ELL2: variants seen among roughly 807,000 people sequenced by gnomAD.
ELL2 encodes the protein elongation factor for RNA polymerase II 2, also known as RNA polymerase II elongation factor ELL2.
A neutral mutation model predicts 72.8 loss-of-function variants in ELL2; 21 were observed. The ratio of observed to expected loss-of-function variants is 0.29; its 90% CI spans 0.20 to 0.42. The LOEUF (loss-of-function observed/expected upper bound fraction) is 0.42. ELL2 is among the 10% of genes least tolerant of loss of function. The pLI is 1.00. For synonymous variants in ELL2, 266 were observed against 283.2 expected (o/e 0.94, Z 0.61); for missense variants, 568 against 772.8 (o/e 0.73, Z 3.14).
rs989681548 is a variant in ELL2 at position 95,886,009 on chromosome 5, G to A, written c.*2862C>T. The A allele has an allele frequency of 6.6e-6, 1 of 152,156 alleles. No individual in the cohort carries two copies. Among genetic ancestry groups the A allele is most frequent in the African/African-American group, 2.4e-5 (1 of 41,436 alleles). The allele number at this position is 152,156 out of a possible 1,614,324, so 9.4% of individuals were successfully genotyped here. A position where few individuals can be genotyped will look rare whatever the true frequency, so the allele number is the denominator to read the frequency against. ...TCCAACCTGGAGTTGATTTAAGGAT[G>A]TTGGTAAAAATCTTCAAAAGTCCTT... On this transcript the variant is annotated 3_prime_UTR_variant, in exon 12 of 12. Coordinates refer to ENST00000237853, the MANE Select transcript of ELL2 (RefSeq NM_012081.6).
chr5:95,898,254 G>T lies in ELL2; in HGVS notation c.1511C>A (p.Pro504Gln). The change falls in exon 8 of 12, where the codon CCA (proline) becomes CAA (glutamine). Residue 504 changes from proline (P) to glutamine (Q), a missense_variant. Pro to Gln is a moderately conservative substitution (Grantham distance 76, BLOSUM62 -1). Coordinates refer to ENST00000237853, the MANE Select transcript of ELL2 (RefSeq NM_012081.6). Reference sequence around the variant, plus strand: ...AGGTAAAATACCTCCACTGGAATTTGGACTGGAGTTATTTAGCTTGGCAAT... The same window carrying T: ...AGGTAAAATACCTCCACTGGAATTTTGACTGGAGTTATTTAGCTTGGCAAT... ...EEIAKLNNSS[P>Q]NSSGGVKEDC... The T allele has an allele frequency of 6.2e-7, 1 of 1,603,810 alleles. No homozygotes were observed. Among genetic ancestry groups the T allele is most frequent in the Non-Finnish European group, 8.5e-7 (1 of 1,176,918 alleles).
At position 95,927,400 on chromosome 5, in the gene ELL2, T is replaced by TACACAC. The variant is rs147145672; in HGVS notation, c.196-7861_196-7856dup. Among the ~76,000 whole-genome samples the TACACAC allele has an allele frequency of 8.1e-4, 24 of 29,462 alleles. 7 individuals are homozygous for TACACAC. The highest frequency in any genetic ancestry group is 1.7e-4 in the Non-Finnish European group (3 of 17,972). The allele number at this position is 29,462 out of a possible 152,430, so 19.3% of individuals were successfully genotyped here. On this transcript the variant is annotated intron_variant, in intron 2 of 11. Coordinates refer to ENST00000237853, the MANE Select transcript of ELL2 (RefSeq NM_012081.6). ...ACACACACGTGTGTATATATAGACATACACACACGTGTGTATATAGACATA... is the reference window on the plus strand; with the variant it reads ...ACACACACGTGTGTATATATAGACATACACACACACACACGTGTGTATATAGACATA...
Position 95,956,393 on chromosome 5 carries a change from C to A in ELL2, c.147+5182G>T, listed in dbSNP as rs574095320. On this transcript the variant is annotated intron_variant, in intron 1 of 11. Transcript: ENST00000237853. ...CTGAAAATGGGTCTAAGTTAAAAGT[C>A]AGTAGGATTAATTTATTTAAATTAA... is the stretch of plus-strand genomic sequence containing the variant. 2.6e-5 allele frequency among the ~76,000 whole-genome samples: 4 copies of A among 152,292 alleles called. 1 individual carries two copies. In the South Asian group the frequency reaches 8.3e-4, roughly 32 times the overall value.
chr5:95,891,743 A>C (rs1192267152), intron 9 of ELL2, among the ~76,000 whole-genome samples: 1 of 152,176 alleles, frequency 6.6e-6, no homozygotes, highest in African/African-American at 2.4e-5. Flanking sequence ...GCTTTATGAG[A>C]GGCAGTCTGT....
At chr5:95,950,927 TATATATATATATATATATATA>T (rs1751364102) in intron 1 of ELL2, among the ~76,000 whole-genome samples, 1 of 121,484 alleles carries the variant, frequency 8.2e-6, no homozygotes, top group East Asian at 2.0e-4. Context: ...TATATATATA[TATATATATATATATATATATA>T]TATATAAAAT....
chr5:95,924,745 C>T (rs1750225147), intron 2 of ELL2, among the ~76,000 whole-genome samples: 3 of 152,102 alleles, frequency 2.0e-5, no homozygotes, highest in South Asian at 4.1e-4. Context: ...TCCTGTCTGT[C>T]TTTGATAAAA....
intron 3 of ELL2, among the ~76,000 whole-genome samples, chr5:95,914,977 T>C (rs1749731460): frequency 6.6e-6 from 1 of 152,208 alleles, no homozygotes; most frequent in East Asian, 1.9e-4. Flanking sequence ...AACTGGTATT[T>C]TATAAAGAAA....
chr5:95,916,094 G>A (rs1749783573), intron 3 of ELL2, among the ~76,000 whole-genome samples: 1 of 151,850 alleles, frequency 6.6e-6, no homozygotes, highest in Non-Finnish European at 1.5e-5. Context: ...CCAGAGTAGG[G>A]CAGTGAGAGT....
In ELL2 at chr5:95,900,789, G is replaced by A. The variant is rs142850446; in HGVS notation, c.867-9C>T. On this transcript the variant is annotated splice_polypyrimidine_tract_variant and intron_variant, in intron 6 of 11. Transcript: ENST00000237853. ...GAGACGGATTTAGTTTTCTGTAAAG[G>A]ACACACATGTTATGTGTTAAGGAGA... is the stretch of plus-strand genomic sequence containing the variant. 3 of 1,601,636 alleles carry A rather than the reference G, an allele frequency of 1.9e-6. No homozygotes were observed. Among genetic ancestry groups the A allele is most frequent in the African/African-American group, 2.7e-5 (2 of 74,212 alleles).
intron 1 of ELL2, 81 bp from the exon 2 acceptor site, chr5:95,943,130 T>C (rs1751031494): frequency 8.0e-7 from 1 of 1,257,034 alleles, no homozygotes. Context: ...TTTAAATCTA[T>C]GTTATTTGGG....
Position 95,885,626 on chromosome 5 carries a change from T to C in ELL2, c.*3245A>G, listed in dbSNP as rs1482620410. The C allele has an allele frequency of 6.6e-6, 1 of 152,258 alleles. No individual in the cohort carries two copies. Among genetic ancestry groups the C allele is most frequent in the Non-Finnish European group, 1.5e-5 (1 of 68,046 alleles). The allele number at this position is 152,258 out of a possible 1,614,324, so 9.4% of individuals were successfully genotyped here. A position where few individuals can be genotyped will look rare whatever the true frequency, so the allele number is the denominator to read the frequency against. On this transcript the variant is annotated 3_prime_UTR_variant, in exon 12 of 12. Coordinates refer to ENST00000237853, the MANE Select transcript of ELL2 (RefSeq NM_012081.6). Reference sequence around the variant, plus strand: ...CATCCAAGCAGAGTGTCTGAATTGATGGACCACTTTTGTCTAAAACTAATT... The same window carrying C: ...CATCCAAGCAGAGTGTCTGAATTGACGGACCACTTTTGTCTAAAACTAATT...
intron 5 of ELL2, among the ~76,000 whole-genome samples, chr5:95,904,151 C>T (rs1182293837): frequency 6.6e-6 from 1 of 152,194 alleles, no homozygotes; most frequent in Non-Finnish European, 1.5e-5. Flanking sequence ...AGGATTCCTT[C>T]CCCAGCTCCT....
intron 3 of ELL2, among the ~76,000 whole-genome samples, chr5:95,917,635 C>A (rs1270471595): frequency 6.6e-6 from 1 of 152,144 alleles, no homozygotes; most frequent in Non-Finnish European, 1.5e-5. Context: ...ACCCTTACTA[C>A]CTCATTTTAT....
chr5:95,898,642 G>T lies in ELL2; in HGVS notation c.1123C>A (p.Pro375Thr). The part of the protein sequence containing the change: ...LPPAAAAIPT[P>T]PPLPSTYLPI... ...AGATAGGTTGAAGGCAGCGGTGGAG[G>T]GGTAGGGATGGCAGCAGCCGCAGGG... The change falls in exon 8 of 12, where the codon CCT becomes ACT. Residue 375 changes from proline to threonine, a missense_variant. Pro to Thr is a conservative substitution (Grantham distance 38). This residue lies in a region of ELL2 where 511 missense variants were observed against 728.4 expected (regional missense o/e 0.70). Transcript: ENST00000237853. 6.2e-7 allele frequency: 1 copy of T among 1,613,056 alleles called. No homozygotes were observed. Among genetic ancestry groups the T allele is most frequent in the Non-Finnish European group, 8.5e-7 (1 of 1,179,404 alleles).
At chr5:95,899,627 A>G (rs1379114988) in intron 7 of ELL2, among the ~76,000 whole-genome samples, 1 of 152,240 alleles carries the variant, frequency 6.6e-6, no homozygotes, top group Admixed American at 6.5e-5. Context: ...GTTGAAAACT[A>G]TAAAATATAA....
In ELL2 at chr5:95,926,806, C is replaced by T. The variant is rs113110197; in HGVS notation, c.196-7261G>A. Among the ~76,000 whole-genome samples, 647 of 152,164 alleles carry T rather than the reference C, an allele frequency of 4.3e-3. 8 individuals are homozygous for T. Among genetic ancestry groups the T allele is most frequent in the African/African-American group, 0.015 (620 of 41,520 alleles). On this transcript the variant is annotated intron_variant, in intron 2 of 11. Coordinates refer to ENST00000237853, the MANE Select transcript of ELL2 (RefSeq NM_012081.6). ...ATGACCATTTTGGAGAAAATATCAT[C>T]GACGGCAACATTTCAAAACCAATTT...
intron 1 of ELL2, among the ~76,000 whole-genome samples, chr5:95,960,233 A>G (rs1007019094): frequency 2.0e-5 from 3 of 151,812 alleles, no homozygotes; most frequent in Non-Finnish European, 4.4e-5. Flanking sequence ...GCTATTTGTA[A>G]GATGCCCCGT....
Position 95,939,598 on chromosome 5 carries a change from TGAA to T in ELL2, c.195+3401_195+3403del, listed in dbSNP as rs376146925. On this transcript the variant is annotated intron_variant, in intron 2 of 11. Transcript: ENST00000237853. ...CAGGAAGAACTTCTCCCTAGCAGTGTGAAGAACAAGACTGTAGTTACAGCTCTG... is the reference window on the plus strand; with the variant it reads ...CAGGAAGAACTTCTCCCTAGCAGTGTGAACAAGACTGTAGTTACAGCTCTG... Among the ~76,000 whole-genome samples, 1,301 of 152,340 alleles carry T rather than the reference TGAA, an allele frequency of 8.5e-3. 17 individuals are homozygous for T. Among genetic ancestry groups the T allele is most frequent in the African/African-American group, 0.03 (1,255 of 41,574 alleles).
intron 2 of ELL2, among the ~76,000 whole-genome samples, chr5:95,924,232 C>T (rs1432226198): frequency 6.6e-6 from 1 of 152,210 alleles, no homozygotes; most frequent in East Asian, 1.9e-4. Context: ...TGTGTATCTA[C>T]ACAGTTCTTT....
Sources: allele counts gnomAD v4.1 joint callset (sites outside exome capture counted in the v4.1 genomes callset), GRCh38; gene constraint gnomAD v4.1.1; regional missense constraint gnomAD v4.1.1; transcripts MANE v1.5; gene names NCBI Gene and HGNC (gene_info 2026-07-23, HGNC 2026-07-21).